Variants in GOLGA1 observed in about 807,000 individuals in gnomAD.
GOLGA1 encodes the protein golgin subfamily A member 1.
In GOLGA1, 63 loss-of-function variants were observed where a neutral mutation model predicts 119.7. The observed-to-expected ratio is 0.53, with a 90% CI of 0.43 to 0.65. The LOEUF (loss-of-function observed/expected upper bound fraction) is 0.65. Among genes scored for constraint, GOLGA1 ranks in the 30% least tolerant of loss-of-function variants. The probability of loss-of-function intolerance (pLI) is 0.00; values close to 1 mark genes in which losing one functional copy is unlikely to be tolerated. For synonymous variants in GOLGA1, 318 were observed against 333.4 expected, an observed-to-expected ratio of 0.95 and a Z score of 0.50; for missense variants, 798 against 912.8, an observed-to-expected ratio of 0.87 and a Z score of 1.62.
chr9:124,916,253 T>C (rs966504655), intron 10 of GOLGA1, among the ~76,000 whole-genome samples: 6 of 151,438 alleles, frequency 4.0e-5, no homozygotes, highest in South Asian at 2.1e-4. Context: ...ATGGCTACAG[T>C]TGAGGAACTG....
At position 124,938,810 on chromosome 9, in the gene GOLGA1, C is replaced by G. The variant is rs1360248803; in HGVS notation, c.-99G>C. 1 of 974,038 alleles carries G rather than the reference C, an allele frequency of 1.0e-6. No individual in the cohort carries two copies. The highest frequency in any genetic ancestry group is 1.5e-6 in the Non-Finnish European group (1 of 665,548). The allele number at this position is 974,038 out of a possible 1,614,324, so 60.3% of individuals were successfully genotyped here. A position where few individuals can be genotyped will look rare whatever the true frequency, so the allele number is the denominator to read the frequency against. ...GAGGCGCCTACAAAGTTTCAGACAT[C>G]CAAGCTAGCTGCATTCCCACTTAAA... is the stretch of plus-strand genomic sequence containing the variant. On this transcript the variant is annotated 5_prime_UTR_variant, in exon 3 of 23. Transcript: ENST00000373555.
chr9:124,909,908 G>A (rs1306672413), intron 11 of GOLGA1, among the ~76,000 whole-genome samples: 2 of 151,958 alleles, frequency 1.3e-5, no homozygotes, highest in African/African-American at 4.8e-5. Context: ...GGAATTACAG[G>A]CACCCGCCAC....
At chr9:124,890,710 G>A (rs760939520) in intron 15 of GOLGA1, among the ~76,000 whole-genome samples, 1 of 152,042 alleles carries the variant, frequency 6.6e-6, no homozygotes, top group Non-Finnish European at 1.5e-5. Flanking sequence ...ACTGAGGATC[G>A]ATTGCCCCAC....
In GOLGA1 at chr9:124,923,826, G is replaced by T. The variant is rs1045063044; in HGVS notation, c.433-603C>A. On this transcript the variant is annotated intron_variant, in intron 7 of 22. Coordinates refer to ENST00000373555, the MANE Select transcript of GOLGA1 (RefSeq NM_002077.4). ...TTCTTACATCTGTTTAGCAAGTCCA[G>T]ATATATATTTTATGTGTCTACTCTT... 5.9e-5 allele frequency among the ~76,000 whole-genome samples: 9 copies of T among 152,080 alleles called. No individual in the cohort carries two copies. In the South Asian group the frequency reaches 1.9e-3, roughly 32 times the overall value.
At position 124,929,217 on chromosome 9, in the gene GOLGA1, A is replaced by G. The variant is rs1830727391; in HGVS notation, c.300T>C (p.Asp100=). 6.4e-7 allele frequency: 1 copy of G among 1,573,268 alleles called. No homozygotes were observed. Among genetic ancestry groups the G allele is most frequent in the Non-Finnish European group, 8.7e-7 (1 of 1,142,948 alleles). ...KLEIALEKHQ[D]SSMRKFQEQN... The stretch of plus-strand genomic sequence containing the variant: ...AAAAAGCAGGAAAAAAATACGTACA[A>G]TCCTGGTGTTTTTCTAATGCAATTT... The change falls in exon 5 of 23, where the codon GAT becomes GAC. Residue 100 remains aspartate (D), a splice_region_variant and synonymous_variant. Transcript: ENST00000373555.
intron 19 of GOLGA1, among the ~76,000 whole-genome samples, chr9:124,886,229 G>A (rs891152205): frequency 1.3e-5 from 2 of 152,216 alleles, no homozygotes; most frequent in Non-Finnish European, 2.9e-5. Context: ...AGTCAGCTGC[G>A]CAGGGCATGG....
chr9:124,893,037 A>G (rs1209587339), intron 15 of GOLGA1, among the ~76,000 whole-genome samples: 3 of 151,784 alleles, frequency 2.0e-5, no homozygotes, highest in African/African-American at 7.3e-5. Flanking sequence ...TTCTTGCTCT[A>G]TCACCCAGGC....
intron 12 of GOLGA1, among the ~76,000 whole-genome samples, chr9:124,907,021 TA>T: frequency 1.3e-5 from 2 of 151,724 alleles, no homozygotes; most frequent in Middle Eastern, 3.4e-3. Context: ...CTCAAAAACT[TA>T]AAAATTTTAA....
intron 15 of GOLGA1, among the ~76,000 whole-genome samples, chr9:124,896,219 G>A (rs1006342779): frequency 6.6e-6 from 1 of 152,108 alleles, no homozygotes; most frequent in Non-Finnish European, 1.5e-5. Flanking sequence ...TTCGAGACCA[G>A]CCTGGCCAGT....
intron 11 of GOLGA1, among the ~76,000 whole-genome samples, chr9:124,909,666 A>G (rs1334300514): frequency 1.3e-5 from 2 of 151,712 alleles, no homozygotes; most frequent in African/African-American, 2.4e-5. Flanking sequence ...TTACTGAGAT[A>G]GTTGTTAATC....
chr9:124,921,294 C>T (rs995922929), intron 9 of GOLGA1, 54 bp from the exon 10 acceptor site: 8 of 952,208 alleles, frequency 8.4e-6, no homozygotes, highest in South Asian at 7.7e-5. Context: ...ATCTAATATA[C>T]AGTCTTCTGC....
rs1445216245 is a variant in GOLGA1, at chr9:124,881,748, C to A, written c.2136+36G>T. On this transcript the variant is annotated intron_variant, in intron 21 of 22. Coordinates refer to ENST00000373555, the MANE Select transcript of GOLGA1 (RefSeq NM_002077.4). The surrounding 1 kb of genome is among the most constrained non-coding windows in gnomAD (Gnocchi z 4.9). The stretch of plus-strand genomic sequence containing the variant: ...CTGCAGGACAGACTGTAGGGCGGGG[C>A]CTCAATACCCAAAAGACACCTCAAA... 1.4e-6 allele frequency: 2 copies of A among 1,470,540 alleles called. No individual in the cohort carries two copies. Among genetic ancestry groups the A allele is most frequent in the South Asian group, 1.2e-5 (1 of 82,044 alleles). 91.1% of individuals were successfully genotyped at this position (1,470,540 alleles called of 1,614,324 possible). A position where few individuals can be genotyped will look rare whatever the true frequency, so the allele number is the denominator to read the frequency against.
rs113998556 is a variant in GOLGA1, at chr9:124,886,927, G to A, written c.1905+1326C>T. ...GGTTGCGGGGAACACTGGGCTGCCC[G>A]CAGGACCATGGTCCTGAGCTTCGAG... is the stretch of plus-strand genomic sequence containing the variant. On this transcript the variant is annotated intron_variant, in intron 19 of 22. Coordinates refer to ENST00000373555, the MANE Select transcript of GOLGA1 (RefSeq NM_002077.4). 9.9e-3 allele frequency among the ~76,000 whole-genome samples: 1,500 copies of A among 152,214 alleles called. 20 individuals are homozygous for A. Among genetic ancestry groups the A allele is most frequent in the African/African-American group, 0.034 (1,419 of 41,520 alleles).
chr9:124,894,276 C>G (rs143997575), intron 15 of GOLGA1, among the ~76,000 whole-genome samples: 1,628 of 152,296 alleles, frequency 0.011, 19 homozygotes, highest in South Asian at 0.042. Flanking sequence ...GGGTGTGGCC[C>G]TGGCCTTCAT....
chr9:124,920,123 C>A (rs900661791), intron 10 of GOLGA1, among the ~76,000 whole-genome samples: 1 of 151,812 alleles, frequency 6.6e-6, no homozygotes, highest in Admixed American at 6.6e-5. Flanking sequence ...CCACACCCAG[C>A]CTTATTTTTA....
intron 11 of GOLGA1, among the ~76,000 whole-genome samples, 174 bp from the exon 12 acceptor site, chr9:124,908,646 T>C (rs1417737172): frequency 2.1e-4 from 32 of 152,238 alleles, no homozygotes; most frequent in Non-Finnish European, 7.3e-5. Context: ...ACAGATAAAT[T>C]TGAAATAGTC....
At chr9:124,921,659 G>T in intron 9 of GOLGA1, 64 bp downstream of exon 9, 1 of 1,253,408 alleles carries the variant, frequency 8.0e-7, no homozygotes, top group Non-Finnish European at 1.1e-6. Flanking sequence ...GGGAAAGGTG[G>T]GCAGGCTATA....
chr9:124,938,229 T>C (rs1178601735), intron 3 of GOLGA1, among the ~76,000 whole-genome samples: 1 of 152,126 alleles, frequency 6.6e-6, no homozygotes, highest in Non-Finnish European at 1.5e-5. Context: ...AGCAATGACT[T>C]AGTTGTTATA....
At chr9:124,937,485 G>T (rs865888213) in intron 3 of GOLGA1, among the ~76,000 whole-genome samples, 2 of 151,912 alleles carry the variant, frequency 1.3e-5, no homozygotes, top group South Asian at 4.2e-4. Flanking sequence ...AAAAAAATTA[G>T]CCGGGTGTGG....
Sources: allele counts gnomAD v4.1 joint callset (sites outside exome capture counted in the v4.1 genomes callset), GRCh38; gene constraint gnomAD v4.1.1; non-coding constraint Gnocchi (gnomAD v3.1); transcripts MANE v1.5; gene names NCBI Gene and HGNC (gene_info 2026-07-23, HGNC 2026-07-21).